Variants in MGAT5 observed in about 807,000 individuals in gnomAD.
The protein encoded by MGAT5 is alpha-1,6-mannosylglycoprotein 6-beta-N-acetylglucosaminyltransferase A.
A neutral mutation model predicts 94.3 loss-of-function variants in MGAT5; 30 were observed. The ratio of observed to expected loss-of-function variants is 0.32; its 90% CI spans 0.24 to 0.43. The LOEUF is 0.43. Among genes scored for constraint, MGAT5 ranks in the 20% least tolerant of loss-of-function variants. The pLI is 1.00. For synonymous variants in MGAT5, 310 were observed against 322.9 expected, an observed-to-expected ratio of 0.96 and a Z score of 0.43; for missense variants, 691 against 905.5, an observed-to-expected ratio of 0.76 and a Z score of 3.04.
intron 1 of MGAT5, among the ~76,000 whole-genome samples, chr2:134,234,643 G>A (rs78087079): frequency 1.1e-4 from 16 of 152,300 alleles, no homozygotes; most frequent in East Asian, 3.9e-4. Flanking sequence ...AATTCCCTTC[G>A]TTTCTTGGGA....
intron 10 of MGAT5, among the ~76,000 whole-genome samples, chr2:134,390,715 T>G (rs1573995803): frequency 6.6e-6 from 1 of 152,226 alleles, no homozygotes; most frequent in African/African-American, 2.4e-5. Flanking sequence ...ATATGTATTC[T>G]GTCTGAAAAC....
intron 1 of MGAT5, among the ~76,000 whole-genome samples, chr2:134,170,136 A>T (rs963068101): frequency 1.3e-5 from 2 of 152,218 alleles, no homozygotes; most frequent in Non-Finnish European, 2.9e-5. Context: ...GCATGTGGGT[A>T]TATATTCCAT....
At chr2:134,213,388 A>G (rs1286358851) in intron 1 of MGAT5, among the ~76,000 whole-genome samples, 3 of 151,742 alleles carry the variant, frequency 2.0e-5, no homozygotes, top group Non-Finnish European at 4.4e-5. Flanking sequence ...AGTGTCAAAA[A>G]TTCTGTTTCT....
At chr2:134,198,519 C>T (rs1679609534) in intron 1 of MGAT5, among the ~76,000 whole-genome samples, 1 of 152,192 alleles carries the variant, frequency 6.6e-6, no homozygotes, top group Non-Finnish European at 1.5e-5. Flanking sequence ...ATCTTTTGGG[C>T]ATTGTGCTAC....
chr2:134,274,797 A>G (rs972522533), intron 2 of MGAT5, among the ~76,000 whole-genome samples: 4 of 152,238 alleles, frequency 2.6e-5, no homozygotes, highest in Non-Finnish European at 5.9e-5. Flanking sequence ...CTGGTATTTA[A>G]TCCAAGTTGA....
At chr2:134,409,615 AG>A (rs1303226514) in intron 11 of MGAT5, among the ~76,000 whole-genome samples, 2 of 152,152 alleles carry the variant, frequency 1.3e-5, no homozygotes, top group Non-Finnish European at 2.9e-5. Flanking sequence ...TGGCCAGAAA[AG>A]TATGTGTTGT....
chr2:134,396,003 T>C (rs1166327840), intron 10 of MGAT5, among the ~76,000 whole-genome samples: 1 of 152,168 alleles, frequency 6.6e-6, no homozygotes, highest in Non-Finnish European at 1.5e-5. Flanking sequence ...TGTGGGCCAA[T>C]AGGTGGACCA....
intron 10 of MGAT5, among the ~76,000 whole-genome samples, chr2:134,368,842 C>T (rs894696034): frequency 6.6e-6 from 1 of 152,140 alleles, no homozygotes; most frequent in African/African-American, 2.4e-5. Context: ...TGTGTGTCAC[C>T]CATTCCACCA....
rs899875344 is a variant in MGAT5, at chr2:134,254,141, T to G, written c.-263T>G. ...TTACAGTTCCTGAATCATAAGATAT[T>G]GAACCAGCAAATTTAAGAGTTGACA... On this transcript the variant is annotated 5_prime_UTR_variant, in exon 1 of 16. It adds an upstream start codon to the 5' untranslated region. Coordinates refer to ENST00000281923, the MANE Select transcript of MGAT5 (RefSeq NM_002410.5). 1 of 580,854 alleles carries G rather than the reference T, an allele frequency of 1.7e-6. No individual in the cohort carries two copies. Among genetic ancestry groups the G allele is most frequent in the Admixed American group, 3.3e-5 (1 of 30,536 alleles). The allele number at this position is 580,854 out of a possible 1,614,324, so 36.0% of individuals were successfully genotyped here.
In MGAT5 at chr2:134,182,931, C is replaced by T. The variant is rs540285733; in HGVS notation, c.-143+62640C>T. Among the ~76,000 whole-genome samples, 238 of 151,704 alleles carry T rather than the reference C, an allele frequency of 1.6e-3. 2 individuals are homozygous for T. Among genetic ancestry groups the T allele is most frequent in the Admixed American group, 1.3e-3 (20 of 15,232 alleles). ...CCTCCCGAGTAGCTGTGACTACAGG[C>T]GCCCACCATCACACCTGGCTAATTT... On this transcript the variant is annotated intron_variant, in intron 1 of 16. Coordinates refer to the MGAT5 transcript ENST00000409645.
intron 2 of MGAT5, among the ~76,000 whole-genome samples, chr2:134,292,289 C>T (rs1685415071): frequency 6.6e-6 from 1 of 152,066 alleles, no homozygotes; most frequent in South Asian, 2.1e-4. Context: ...TTCTGAGACC[C>T]AATGCCTTTT....
intron 10 of MGAT5, among the ~76,000 whole-genome samples, chr2:134,389,909 T>G (rs1406385295): frequency 6.6e-6 from 1 of 152,172 alleles, no homozygotes; most frequent in Non-Finnish European, 1.5e-5. Context: ...TCATTCTCCT[T>G]TTACAATTAT....
At chr2:134,141,710 C>T (rs559023819) in intron 1 of MGAT5, among the ~76,000 whole-genome samples, 97 of 152,172 alleles carry the variant, frequency 6.4e-4, no homozygotes, top group African/African-American at 2.0e-3. Context: ...GAAAGATATG[C>T]GGAATTTGGA....
At chr2:134,135,105 C>T (rs1043173933) in intron 1 of MGAT5, among the ~76,000 whole-genome samples, 1 of 152,006 alleles carries the variant, frequency 6.6e-6, no homozygotes, top group Non-Finnish European at 1.5e-5. Context: ...GTGGTCTGGC[C>T]CAGCTAATTG....
chr2:134,336,190 A>G (rs756533426), intron 4 of MGAT5, 27 bp from the exon 5 acceptor site: 3 of 1,588,892 alleles, frequency 1.9e-6, no homozygotes, highest in African/African-American at 1.3e-5. Flanking sequence ...ATGAAGCTGC[A>G]TATTTAGTGT....
chr2:134,185,825 G>A (rs751323715), intron 1 of MGAT5, among the ~76,000 whole-genome samples: 32 of 152,184 alleles, frequency 2.1e-4, no homozygotes, highest in Admixed American at 5.9e-4. Flanking sequence ...GAGGAGAGAT[G>A]GAATGTTTTC....
chr2:134,207,143 A>C (rs927666662), intron 1 of MGAT5, among the ~76,000 whole-genome samples: 1 of 152,152 alleles, frequency 6.6e-6, no homozygotes, highest in African/African-American at 2.4e-5. Flanking sequence ...ATGGCTTCTT[A>C]TGTCTTCAAG....
intron 9 of MGAT5, among the ~76,000 whole-genome samples, chr2:134,356,923 T>C (rs1679779372): frequency 6.6e-6 from 1 of 152,158 alleles, no homozygotes; most frequent in African/African-American, 2.4e-5. Flanking sequence ...CTTCCCCAAC[T>C]TTCTCCTCCC....
chr2:134,351,778 T>A (rs1294216236), intron 9 of MGAT5, among the ~76,000 whole-genome samples: 1 of 152,058 alleles, frequency 6.6e-6, no homozygotes, highest in East Asian at 1.9e-4. Context: ...ACCAGTAACA[T>A]CATAAGCAAA....
Sources: allele counts gnomAD v4.1 joint callset (sites outside exome capture counted in the v4.1 genomes callset), GRCh38; gene constraint gnomAD v4.1.1; transcripts MANE v1.5; gene names NCBI Gene and HGNC (gene_info 2026-07-23, HGNC 2026-07-21).